DIS3L2: variants seen among roughly 807,000 people sequenced by gnomAD.
DIS3L2 encodes the protein DIS3-like exonuclease 2.
A neutral mutation model predicts 97.5 loss-of-function variants in DIS3L2; 34 were observed. The observed-to-expected ratio is 0.35, with a 90% confidence interval of 0.27 to 0.46. The LOEUF (loss-of-function observed/expected upper bound fraction) is 0.46. Among genes scored for constraint, DIS3L2 ranks in the 20% least tolerant of loss-of-function variants. The pLI is 1.00. For synonymous variants in DIS3L2, 435 were observed against 445.2 expected (o/e 0.98, Z 0.29); for missense variants, 1,038 against 1,146.0 (o/e 0.91, Z 1.36).
intron 5 of DIS3L2, among the ~76,000 whole-genome samples, chr2:232,084,939 A>G (rs984127794): frequency 1.3e-5 from 2 of 152,146 alleles, no homozygotes; most frequent in South Asian, 2.1e-4. Context: ...AGTTGATATT[A>G]TAATATTAAT....
chr2:232,193,043 G>T (rs1170258736), intron 9 of DIS3L2, among the ~76,000 whole-genome samples: 2 of 152,086 alleles, frequency 1.3e-5, no homozygotes, highest in Non-Finnish European at 2.9e-5. Flanking sequence ...CAGCTACCAC[G>T]GTGCTCTCCG....
Position 232,072,871 on chromosome 2 carries a change from G to A in DIS3L2, c.367-14616G>A, listed in dbSNP as rs185314368. 3.7e-3 allele frequency among the ~76,000 whole-genome samples: 555 copies of A among 150,798 alleles called. 3 individuals carry two copies. The highest frequency in any genetic ancestry group is 0.013 in the African/African-American group (534 of 41,126). ...TTGAGGTGGGGTGGGGAAGGAAGTC[G>A]AATGATTGATTGATAAGGACTGCAC... On this transcript the variant is annotated intron_variant, in intron 5 of 20. Transcript: ENST00000325385.
intron 5 of DIS3L2, among the ~76,000 whole-genome samples, chr2:232,055,231 T>C (rs1262321438): frequency 6.6e-6 from 1 of 152,228 alleles, no homozygotes; most frequent in Non-Finnish European, 1.5e-5. Context: ...TATCGTAGAC[T>C]GTAGTTAATG....
At chr2:232,170,545 A>C (rs762838587) in intron 9 of DIS3L2, among the ~76,000 whole-genome samples, 4 of 152,204 alleles carry the variant, frequency 2.6e-5, no homozygotes, top group Admixed American at 2.6e-4. Flanking sequence ...CCTCCACCAG[A>C]CCATTACAAA....
intron 1 of DIS3L2, among the ~76,000 whole-genome samples, chr2:231,989,634 G>A (rs2106189406): frequency 6.6e-6 from 1 of 152,136 alleles, no homozygotes; most frequent in South Asian, 2.1e-4. Flanking sequence ...AGGAGTTTGA[G>A]GCCAGCCTGG....
chr2:232,158,334 T>TGC (rs59250513), intron 8 of DIS3L2, among the ~76,000 whole-genome samples: 20 of 148,222 alleles, frequency 1.3e-4, no homozygotes, highest in African/African-American at 4.2e-4. Flanking sequence ...TGTGTGTGTG[T>TGC]GCATGTGTGT....
intron 1 of DIS3L2, among the ~76,000 whole-genome samples, chr2:231,994,814 TC>T (rs1219381773): frequency 1.3e-5 from 2 of 149,634 alleles, no homozygotes; most frequent in African/African-American, 2.5e-5. Flanking sequence ...TCATTCTTTT[TC>T]TTTTTTTTTT....
intron 5 of DIS3L2, among the ~76,000 whole-genome samples, chr2:232,086,483 G>A (rs1292821386): frequency 6.8e-6 from 1 of 147,242 alleles, no homozygotes; most frequent in African/African-American, 2.5e-5. Context: ...CAGAATTCTG[G>A]TACCTGTGAT....
At chr2:232,333,752 C>G (rs901813684) in intron 16 of DIS3L2, 88 bp from the exon 17 acceptor site, 9 of 1,486,216 alleles carry the variant, frequency 6.1e-6, no homozygotes, top group Non-Finnish European at 8.0e-6. Flanking sequence ...ACATCGCTGC[C>G]GACGGTGAGG....
downstream of DIS3L2, among the ~76,000 whole-genome samples, chr2:232,339,062 G>A (rs1406540953): frequency 6.6e-5 from 10 of 152,232 alleles, no homozygotes; most frequent in South Asian, 2.1e-4. Flanking sequence ...CTGGCCCCCT[G>A]GACCTAGGGG....
chr2:232,109,426 G>A (rs1344928692), intron 6 of DIS3L2, among the ~76,000 whole-genome samples: 1 of 152,052 alleles, frequency 6.6e-6, no homozygotes, highest in Non-Finnish European at 1.5e-5. Context: ...GGGCGACAGA[G>A]CGAGACTCAG....
chr2:232,203,226 C>T (rs1390836423), intron 9 of DIS3L2, among the ~76,000 whole-genome samples: 2 of 152,080 alleles, frequency 1.3e-5, no homozygotes, highest in Admixed American at 6.5e-5. Context: ...CCTTTTCACC[C>T]ATTCTTCATC....
At chr2:232,208,785 T>C (rs1165518011) in intron 9 of DIS3L2, among the ~76,000 whole-genome samples, 1 of 152,136 alleles carries the variant, frequency 6.6e-6, no homozygotes, top group Non-Finnish European at 1.5e-5. Flanking sequence ...CCCAGCACTT[T>C]GGGAGGCCAA....
At chr2:232,024,182 G>A in intron 3 of DIS3L2, 95 bp from the exon 4 acceptor site, 2 of 886,982 alleles carry the variant, frequency 2.3e-6, no homozygotes, top group Middle Eastern at 5.0e-4. Flanking sequence ...CAAGTGACCT[G>A]TTTAATTTTA....
intron 10 of DIS3L2, among the ~76,000 whole-genome samples, chr2:232,237,066 A>G (rs1692951968): frequency 6.6e-6 from 1 of 152,108 alleles, no homozygotes; most frequent in Admixed American, 6.5e-5. Context: ...CTTATTTTAC[A>G]TGTATACTCT....
chr2:232,224,009 G>C (rs986076029), intron 10 of DIS3L2, among the ~76,000 whole-genome samples: 1 of 152,182 alleles, frequency 6.6e-6, no homozygotes, highest in African/African-American at 2.4e-5. Flanking sequence ...AGGATCGTTT[G>C]AGCCCAGGAT....
intron 9 of DIS3L2, among the ~76,000 whole-genome samples, chr2:232,172,374 T>C (rs1176126775): frequency 3.9e-5 from 6 of 152,226 alleles, no homozygotes; most frequent in African/African-American, 1.4e-4. Flanking sequence ...GAACATTTCA[T>C]ATAAATGGAG....
rs564319149 is a variant in DIS3L2 at position 232,160,711 on chromosome 2, TACA to T, written c.951-2746_951-2744del. 7.9e-5 allele frequency among the ~76,000 whole-genome samples: 12 copies of T among 151,990 alleles called. No individual in the cohort carries two copies. In the South Asian group the frequency reaches 2.1e-3, roughly 26 times the overall value. On this transcript the variant is annotated intron_variant, in intron 8 of 20. Transcript: ENST00000325385. ...GGGCGACGTGGCAAAACCCCATCTC[TACA>T]AAAAATACAAAAATTAGATGGGCCT... is the stretch of plus-strand genomic sequence containing the variant.
intron 19 of DIS3L2, chr2:232,335,474 C>T: frequency 2.7e-6 from 1 of 375,104 alleles, no homozygotes; most frequent in Admixed American, 4.0e-5. Flanking sequence ...CAGCGCTCCG[C>T]CGCCACAGTT....
Sources: allele counts gnomAD v4.1 joint callset (sites outside exome capture counted in the v4.1 genomes callset), GRCh38; gene constraint gnomAD v4.1.1; transcripts MANE v1.5; gene names NCBI Gene and HGNC (gene_info 2026-07-23, HGNC 2026-07-21).